The following DNHD1 variants were observed in gnomAD, a reference collection of about 807,000 sequenced individuals.
DNHD1 encodes dynein heavy chain domain-containing protein 1.
Under a neutral mutation model 458.1 loss-of-function variants are expected in DNHD1, and 383 were observed. The ratio of observed to expected loss-of-function variants is 0.84; its 90% CI spans 0.77 to 0.91. DNHD1 has a LOEUF of 0.91. DNHD1 is among the 40% of genes least tolerant of loss of function. The pLI, the probability that DNHD1 is intolerant of heterozygous loss-of-function variation, is 0.00. For synonymous variants in DNHD1, 2,203 were observed against 2,376.9 expected, an observed-to-expected ratio of 0.93 and a Z score of 2.13; for missense variants, 5,336 against 5,866.1, an observed-to-expected ratio of 0.91 and a Z score of 2.95.
chr11:6,528,430 TG>T, intron 10 of DNHD1, 91 bp from the exon 11 acceptor site: 2 of 1,344,520 alleles, frequency 1.5e-6, no homozygotes, highest in Non-Finnish European at 1.0e-6. Context: ...TGTGTGTGTG[TG>T]TGTGTACACA....
At chr11:6,559,304 C>A (rs180942303) in intron 28 of DNHD1, 21 bp downstream of exon 28, 1 of 1,545,384 alleles carries the variant, frequency 6.5e-7, no homozygotes. Flanking sequence ...GATTTTGAGG[C>A]TTCCATGGTG....
At chr11:6,553,417 T>TC (rs1471873924) in intron 24 of DNHD1, among the ~76,000 whole-genome samples, 1 of 152,176 alleles carries the variant, frequency 6.6e-6, no homozygotes, top group Non-Finnish European at 1.5e-5. Flanking sequence ...TTGAATACTG[T>TC]CCCCCTAAAA....
intron 10 of DNHD1, among the ~76,000 whole-genome samples, chr11:6,524,325 C>G (rs560707513): frequency 6.6e-6 from 1 of 152,210 alleles, no homozygotes; most frequent in South Asian, 2.1e-4. Flanking sequence ...AGGAAGAGAA[C>G]CCCTGTCTCT....
chr11:6,559,709 A>G (rs375207741), intron 28 of DNHD1, among the ~76,000 whole-genome samples: 1 of 152,256 alleles, frequency 6.6e-6, no homozygotes, highest in African/African-American at 2.4e-5. Context: ...AAACTGTTGT[A>G]TACAGTGAGG....
Position 6,540,020 on chromosome 11 carries a change from C to T in DNHD1, c.3565C>T (p.Gln1189Ter). ...EPPASERSKR[Q>*]VLRSPQWEVV... ...CCCAGCCTCAGAGCGCTCCAAGAGG[C>T]AGGTGCTCCGCAGCCCCCAATGGGA... Residue 1189 changes from glutamine (Q) to a stop codon, truncating the protein, a stop_gained, in exon 18 of 43, where the codon CAG becomes TAG. Coordinates refer to ENST00000254579, the MANE Select transcript of DNHD1 (RefSeq NM_144666.3). LOFTEE classifies it high-confidence loss of function. 6.4e-7 allele frequency: 1 copy of T among 1,551,700 alleles called. No homozygotes were observed. Among genetic ancestry groups the T allele is most frequent in the Non-Finnish European group, 8.7e-7 (1 of 1,146,942 alleles).
rs745733566 is a variant in DNHD1 at position 6,566,704 on chromosome 11, C to T, written c.11324C>T (p.Thr3775Ile). Residue 3775 changes from threonine (T) to isoleucine (I), a missense_variant, in exon 35 of 43, where the codon ACC becomes ATC. Physicochemically the swap from Thr to Ile is moderately conservative, Grantham distance 89. Around this residue, in one of 4 missense-constraint regions of DNHD1, gnomAD observed 695 missense variants for 804.2 expected, o/e 0.86. Transcript: ENST00000254579. ...ILCREYPELETRWQDLKIRAL... is the reference protein window; with the variant it reads ...ILCREYPELEIRWQDLKIRAL... The stretch of plus-strand genomic sequence containing the variant: ...TGCAGAGAGTATCCTGAACTCGAGA[C>T]CCGCTGGCAGGACCTAAAGATCAGA... 7.4e-6 allele frequency: 12 copies of T among 1,612,594 alleles called. No individual in the cohort carries two copies. The Middle Eastern group carries it at 8.3e-4, about 111-fold the overall frequency.
chr11:6,519,595 C>T lies in DNHD1; in HGVS notation c.1393-5C>T, dbSNP rs368473937. 20 of 1,613,810 alleles carry T rather than the reference C, an allele frequency of 1.2e-5. No homozygotes were observed. Among genetic ancestry groups the T allele is most frequent in the African/African-American group, 2.7e-5 (2 of 74,892 alleles). ...ATCTGGTGAGTTTCCACTCTATGCT[C>T]ACAGGTTCACGAGGACACATACCAC... On this transcript the variant is annotated splice_polypyrimidine_tract_variant and splice_region_variant and intron_variant, in intron 7 of 42. Coordinates refer to ENST00000254579, the MANE Select transcript of DNHD1 (RefSeq NM_144666.3).
At chr11:6,509,339 T>C in intron 6 of DNHD1, 67 bp downstream of exon 6, 3 of 1,372,822 alleles carry the variant, frequency 2.2e-6, no homozygotes, top group Non-Finnish European at 3.0e-6. Context: ...TAATAGTATG[T>C]TTGTTGTAGA....
Position 6,545,816 on chromosome 11 carries a change from T to C in DNHD1, c.4877T>C (p.Ile1626Thr), listed in dbSNP as rs750934477. 1.7e-5 allele frequency: 27 copies of C among 1,551,768 alleles called. No homozygotes were observed. The highest frequency in any genetic ancestry group is 9.8e-5 in the East Asian group (4 of 40,938). The change falls in exon 21 of 43, where the codon ATT becomes ACT. Residue 1626 changes from isoleucine to threonine, a missense_variant. Physicochemically the swap from Ile to Thr is moderately conservative, Grantham distance 89 (BLOSUM62 -1). Coordinates refer to ENST00000254579, the MANE Select transcript of DNHD1 (RefSeq NM_144666.3). The surrounding 1 kb of genome is among the most constrained non-coding windows in gnomAD (Gnocchi z 4.9). ...PKSPLQSLKT[I>T]ASSEPSLSPA... ...AGCCCCCTACAGAGTCTTAAGACTA[T>C]TGCATCTTCTGAACCCTCTCTGTCA...
chr11:6,504,871 C>T (rs1448621563), intron 4 of DNHD1, among the ~76,000 whole-genome samples: 2 of 152,146 alleles, frequency 1.3e-5, no homozygotes, highest in African/African-American at 2.4e-5. Context: ...TGCTCTGTTG[C>T]CCCAGCTGGA....
rs1322299679 is a variant in DNHD1 at position 6,567,027 on chromosome 11, A to C, written c.11518A>C (p.Lys3840Gln). 2.5e-6 allele frequency: 4 copies of C among 1,614,048 alleles called. No individual in the cohort carries two copies. The highest frequency in any genetic ancestry group is 2.2e-5 in the South Asian group (2 of 91,090). The change falls in exon 36 of 43, where the codon AAA becomes CAA. Residue 3840 changes from lysine to glutamine, a missense_variant. Transcript: ENST00000254579. The part of the protein sequence containing the change: ...RAHCEELEGQ[K>Q]LQEMVLWAPY... ...TCATTGTGAAGAGTTAGAAGGGCAG[A>C]AACTACAGGAGATGGTATTGTGGGC...
chr11:6,534,914 T>G (rs1852912695), intron 14 of DNHD1, among the ~76,000 whole-genome samples: 1 of 152,210 alleles, frequency 6.6e-6, no homozygotes, highest in Non-Finnish European at 1.5e-5. Context: ...GCCTGGCTAA[T>G]TTTTGTATTT....
chr11:6,543,069 T>C (rs1853132640), intron 18 of DNHD1, among the ~76,000 whole-genome samples: 3 of 152,168 alleles, frequency 2.0e-5, no homozygotes, highest in Admixed American at 2.0e-4. Flanking sequence ...CCTCCTCACA[T>C]GGGGAAGAGT....
At chr11:6,551,979 C>G (rs566710193) in intron 24 of DNHD1, among the ~76,000 whole-genome samples, 1 of 149,156 alleles carries the variant, frequency 6.7e-6, no homozygotes, top group Admixed American at 6.6e-5. Flanking sequence ...TGGCATGCAC[C>G]TGTAATCCCA....
chr11:6,500,293 C>A (rs1165790599), intron 3 of DNHD1, among the ~76,000 whole-genome samples: 2 of 152,236 alleles, frequency 1.3e-5, no homozygotes, highest in East Asian at 1.9e-4. Flanking sequence ...TTTTGGAATT[C>A]TCCTTGTCCT....
At chr11:6,499,809 G>A (rs767112518) in intron 3 of DNHD1, among the ~76,000 whole-genome samples, 5 of 151,838 alleles carry the variant, frequency 3.3e-5, no homozygotes, top group Non-Finnish European at 7.4e-5. Flanking sequence ...CTCATGATCC[G>A]CCCACCTCTG....
At position 6,512,211 on chromosome 11, in the gene DNHD1, CTTTTTTTT is replaced by C. The variant is rs11287049; in HGVS notation, c.1392+802_1392+809del. Among the ~76,000 whole-genome samples, 414 of 91,618 alleles carry C rather than the reference CTTTTTTTT, an allele frequency of 4.5e-3. 7 individuals carry two copies. Among genetic ancestry groups the C allele is most frequent in the Middle Eastern group, 0.017 (2 of 118 alleles). 60.1% of individuals were successfully genotyped at this position (91,618 alleles called of 152,430 possible). ...CAAGGAATTTCTTTTCTTTTTCTTT[CTTTTTTTT>C]TTTTTTTTTTTTTTTTTTTGAGACG... On this transcript the variant is annotated intron_variant, in intron 7 of 42. Transcript: ENST00000254579.
intron 6 of DNHD1, 65 bp downstream of exon 6, chr11:6,509,337 T>C: frequency 1.1e-5 from 15 of 1,391,132 alleles, no homozygotes; most frequent in South Asian, 3.9e-5. Flanking sequence ...GGTAATAGTA[T>C]GTTTGTTGTA....
At chr11:6,570,570 G>A (rs183495445) in intron 41 of DNHD1, 48 bp from the exon 42 acceptor site, 1 of 1,529,286 alleles carries the variant, frequency 6.5e-7, no homozygotes, top group African/African-American at 1.4e-5. Context: ...TCGAGTCTAG[G>A]GTGGGGAGAG....
Sources: gnomAD v4.1 joint callset for allele counts (sites outside exome capture counted in the v4.1 genomes callset) on GRCh38, gnomAD v4.1.1 for gene constraint, gnomAD v4.1.1 regional missense constraint, Gnocchi (gnomAD v3.1) non-coding constraint, MANE v1.5 for transcripts, NCBI Gene and HGNC (gene_info 2026-07-23, HGNC 2026-07-21) for gene names.